The following ATP2B3 variants were observed in gnomAD, a reference collection of about 807,000 sequenced individuals.
ATP2B3 encodes the protein ATPase plasma membrane Ca2+ transporting 3.
In ATP2B3, 12 loss-of-function variants were observed where a neutral mutation model predicts 70.8. The observed-to-expected ratio is 0.17, with a 90% CI of 0.11 to 0.27. The LOEUF (loss-of-function observed/expected upper bound fraction) is 0.27. ATP2B3 is among the 10% of genes least tolerant of loss of function. The pLI, the probability that ATP2B3 is intolerant of heterozygous loss-of-function variation, is 1.00. For missense variants in ATP2B3, 858 were observed against 1,118.5 expected (o/e 0.77, Z 3.32); for synonymous variants, 460 against 497.8 (o/e 0.92, Z 1.01).
At chrX:153,541,337 G>T (rs1557006118) in intron 3 of ATP2B3, 22 bp from the exon 4 acceptor site, 6 of 1,210,210 alleles carry the variant, frequency 5.0e-6, no homozygotes, top group Non-Finnish European at 6.7e-6. Context: ...CTCCCCTTCT[G>T]TGCTTCCGGG....
At position 153,559,709 on chromosome X, in the gene ATP2B3, TGAC is replaced by T; in HGVS notation, c.2626-19_2626-17del. On this transcript the variant is annotated splice_polypyrimidine_tract_variant and intron_variant, in intron 17 of 21. Coordinates refer to ENST00000263519, the MANE Select transcript of ATP2B3 (RefSeq NM_001001344.3). ...CCCGGGCAGGCGGCCCATGGAAAGG[TGAC>T]TGCCTCCTCTCCATAGGACTCTCCT... is the stretch of plus-strand genomic sequence containing the variant. 1 of 1,192,522 alleles carries T rather than the reference TGAC, an allele frequency of 8.4e-7. No homozygotes were observed.
chrX:153,563,866 G>A (rs781893762), intron 20 of ATP2B3, among the ~76,000 whole-genome samples: 223 of 112,757 alleles, frequency 2.0e-3, no homozygotes, highest in Non-Finnish European at 3.4e-3. Context: ...GGGAATCTCT[G>A]TGAACCAGTC....
rs781920920 is a variant in ATP2B3 at position 153,556,160 on chromosome X, C to T, written c.2170C>T (p.Pro724Ser). The change falls in exon 14 of 22, where the codon CCC becomes TCC. Residue 724 changes from proline (P) to serine (S), a missense_variant. Around this residue, in one of 5 missense-constraint regions of ATP2B3, gnomAD observed 242 missense variants for 281.3 expected, o/e 0.86. Transcript: ENST00000263519. ...CGCAGCCAAATGCGGCATCATCCAG[C>T]CCGGGGAGGACTTCCTGTGCCTAGA... The part of the protein sequence containing the change: ...AIAAKCGIIQ[P>S]GEDFLCLEGK... The T allele has an allele frequency of 1.7e-6, 2 of 1,211,036 alleles. No individual in the cohort carries two copies. Among genetic ancestry groups the T allele is most frequent in the African/African-American group, 3.5e-5 (2 of 57,608 alleles).
chrX:153,551,069 T>C (rs1206729426), intron 12 of ATP2B3, among the ~76,000 whole-genome samples: 3 of 112,703 alleles, frequency 2.7e-5, no homozygotes, highest in Non-Finnish European at 5.6e-5. Context: ...AAGTTTTTGT[T>C]TGAACCCATG....
intron 15 of ATP2B3, 74 bp downstream of exon 15, chrX:153,556,492 G>A: frequency 9.5e-7 from 1 of 1,057,020 alleles, no homozygotes; most frequent in South Asian, 2.1e-5. Context: ...CAAAAGCCAG[G>A]TTCCCAAACA....
chrX:153,520,569 G>A (rs1422040915), intron 2 of ATP2B3, among the ~76,000 whole-genome samples: 2 of 112,965 alleles, frequency 1.8e-5, no homozygotes, highest in Non-Finnish European at 3.7e-5. Context: ...ACTGAGTGCT[G>A]CACAGACATT....
intron 21 of ATP2B3, among the ~76,000 whole-genome samples, chrX:153,572,843 G>A (rs1324606457): frequency 8.9e-6 from 1 of 112,011 alleles, no homozygotes; most frequent in African/African-American, 3.3e-5. Flanking sequence ...TCAGTCACTC[G>A]GGTCTACCAA....
In ATP2B3 at chrX:153,560,860, C is replaced by T. The variant is rs2090614687; in HGVS notation, c.3024C>T (p.Thr1008=). Residue 1008 remains threonine, a synonymous_variant, in exon 19 of 22, where the codon ACC becomes ACT. Transcript: ENST00000263519. Reference sequence around the variant, plus strand: ...TCTTCAGCAACCCCATCTTCTGCACCATCGTTTTGGGCACTTTCGGGATTC... The same window carrying T: ...TCTTCAGCAACCCCATCTTCTGCACTATCGTTTTGGGCACTTTCGGGATTC... ...DGIFSNPIFC[T]IVLGTFGIQI... The T allele has an allele frequency of 8.3e-7, 1 of 1,211,942 alleles. No individual in the cohort carries two copies. The highest frequency in any genetic ancestry group is 1.1e-6 in the Non-Finnish European group (1 of 895,532).
Position 153,536,128 on chromosome X carries a change from A to T in ATP2B3, c.-120A>T, listed in dbSNP as rs2090186893. On this transcript the variant is annotated 5_prime_UTR_variant, in exon 3 of 22. Transcript: ENST00000263519. The stretch of plus-strand genomic sequence containing the variant: ...CTCGCCTCCATCTCCCCAGGTGTCC[A>T]CGCTTAGCAGCTTTCTCACCGCCGC... 1 of 818,002 alleles carries T rather than the reference A, an allele frequency of 1.2e-6. No homozygotes were observed. The highest frequency in any genetic ancestry group is 1.8e-6 in the Non-Finnish European group (1 of 557,505). 67.4% of individuals were successfully genotyped at this position (818,002 alleles called of 1,213,427 possible).
rs1490238599 is a variant in ATP2B3 at position 153,536,149 on chromosome X, G to A, written c.-99G>A. The A allele has an allele frequency of 4.2e-5, 42 of 988,772 alleles. No individual in the cohort carries two copies. The highest frequency in any genetic ancestry group is 5.2e-5 in the Non-Finnish European group (37 of 711,905). 81.5% of individuals were successfully genotyped at this position (988,772 alleles called of 1,213,427 possible). On this transcript the variant is annotated 5_prime_UTR_variant, in exon 3 of 22. Coordinates refer to ENST00000263519, the MANE Select transcript of ATP2B3 (RefSeq NM_001001344.3). ...GTCCACGCTTAGCAGCTTTCTCACC[G>A]CCGCCAAACCTTGCCTGGGCACTGG...
At chrX:153,577,765 C>T (rs192618506) in intron 21 of ATP2B3, among the ~76,000 whole-genome samples, 205 of 111,387 alleles carry the variant, frequency 1.8e-3, no homozygotes, top group Non-Finnish European at 3.3e-3. Flanking sequence ...CAATGTGGAG[C>T]TTTTTGGCTT....
chrX:153,550,217 C>T lies in ATP2B3; in HGVS notation c.1754C>T (p.Thr585Ile). Residue 585 changes from threonine to isoleucine, a missense_variant, in exon 12 of 22, where the codon ACA becomes ATA. Around this residue, in one of 5 missense-constraint regions of ATP2B3, gnomAD observed 242 missense variants for 281.3 expected, o/e 0.86. Coordinates refer to ENST00000263519, the MANE Select transcript of ATP2B3 (RefSeq NM_001001344.3). ...TFNSVRKSMS[T>I]VIRMPDGGFR... ...AACTCGGTCCGCAAGTCCATGAGCACAGTCATCCGCATGCCCGACGGTGGC... is the reference window on the plus strand; with the variant it reads ...AACTCGGTCCGCAAGTCCATGAGCATAGTCATCCGCATGCCCGACGGTGGC... The T allele has an allele frequency of 8.2e-7, 1 of 1,212,549 alleles. No homozygotes were observed. Among genetic ancestry groups the T allele is most frequent in the Non-Finnish European group, 1.1e-6 (1 of 895,663 alleles).
At chrX:153,573,244 C>T (rs1288927537) in intron 21 of ATP2B3, among the ~76,000 whole-genome samples, 1 of 112,270 alleles carries the variant, frequency 8.9e-6, no homozygotes, top group Admixed American at 9.3e-5. Flanking sequence ...AACCGTGTGG[C>T]CAAAGGGGCC....
chrX:153,525,441 A>G (rs1306478594), intron 2 of ATP2B3, among the ~76,000 whole-genome samples: 2 of 111,828 alleles, frequency 1.8e-5, no homozygotes, highest in African/African-American at 6.5e-5. Flanking sequence ...AAAGAGCAGC[A>G]GGAGCAGGAG....
Position 153,580,145 on chromosome X carries a change from C to T in ATP2B3, c.3510C>T (p.Arg1170=). The change falls in exon 22 of 22, where the codon CGC becomes CGT. Residue 1170 remains arginine, a synonymous_variant. Coordinates refer to ENST00000263519, the MANE Select transcript of ATP2B3 (RefSeq NM_001001344.3). The part of the protein sequence containing the change: ...DDTDVDENEE[R]LRAPPPPSPN... ...CGGACGTGGACGAGAACGAGGAGCG[C>T]CTCCGGGCCCCCCCGCCCCCGTCCC... 1 of 1,211,919 alleles carries T rather than the reference C, an allele frequency of 8.3e-7. No homozygotes were observed. Among genetic ancestry groups the T allele is most frequent in the East Asian group, 3.0e-5 (1 of 33,852 alleles).
chrX:153,571,044 T>C (rs1157347076), intron 21 of ATP2B3, among the ~76,000 whole-genome samples: 1 of 80,438 alleles, frequency 1.2e-5, no homozygotes, highest in Non-Finnish European at 2.9e-5. Context: ...ACACACTCCT[T>C]CTCCAAACCA....
In ATP2B3 at chrX:153,556,419, G is replaced by A; in HGVS notation, c.2326+1G>A. ...ACCGACAAGCACACACTGGTCAAAG[G>A]TAGCCGAGCCCCCACACCCCTTTCC... On this transcript the variant is annotated splice_donor_variant, in intron 15 of 21. Transcript: ENST00000263519. LOFTEE classifies it high-confidence loss of function. The A allele has an allele frequency of 8.3e-7, 1 of 1,199,410 alleles. No individual in the cohort carries two copies. Among genetic ancestry groups the A allele is most frequent in the South Asian group, 1.8e-5 (1 of 54,807 alleles).
intron 21 of ATP2B3, among the ~76,000 whole-genome samples, chrX:153,574,351 G>A (rs1338221426): frequency 8.9e-6 from 1 of 112,478 alleles, no homozygotes; most frequent in Non-Finnish European, 1.9e-5. Context: ...AAGCTCAGAT[G>A]CCTGGGGAGC....
intron 21 of ATP2B3, among the ~76,000 whole-genome samples, chrX:153,570,193 G>A (rs1341180988): frequency 8.9e-6 from 1 of 112,391 alleles, no homozygotes; most frequent in Admixed American, 9.4e-5. Context: ...CTGGAGGGGT[G>A]GCGGGTGCCT....
Sources: gnomAD v4.1 joint callset for allele counts (sites outside exome capture counted in the v4.1 genomes callset) on GRCh38, gnomAD v4.1.1 for gene constraint, gnomAD v4.1.1 regional missense constraint, MANE v1.5 for transcripts, NCBI Gene and HGNC (gene_info 2026-07-23, HGNC 2026-07-21) for gene names.